The following NACC2 variants were observed in gnomAD, a reference collection of about 807,000 sequenced individuals.
NACC2 encodes the protein nucleus accumbens-associated protein 2.
NACC2 carries 8 observed loss-of-function variants against 25.1 expected under a neutral mutation model. The ratio of observed to expected loss-of-function variants is 0.32; its 90% CI spans 0.19 to 0.57. The LOEUF (loss-of-function observed/expected upper bound fraction) is 0.57. Among genes scored for constraint, NACC2 ranks in the 20% least tolerant of loss-of-function variants. The pLI is 0.89. For synonymous variants in NACC2, 435 were observed against 294.7 expected (o/e 1.48, Z -4.88); for missense variants, 644 against 650.2 (o/e 0.99, Z 0.10).
At chr9:136,031,051 A>C (rs1196463132) in intron 2 of NACC2, among the ~76,000 whole-genome samples, 1 of 152,228 alleles carries the variant, frequency 6.6e-6, no homozygotes, top group African/African-American at 2.4e-5. Flanking sequence ...TATGTGAACT[A>C]TTCCTGCAGC....
intron 1 of NACC2, among the ~76,000 whole-genome samples, chr9:136,051,876 A>AAAGAGGAGGAGGAGG (rs1840846709): frequency 7.6e-6 from 1 of 132,330 alleles, no homozygotes; most frequent in African/African-American, 3.3e-5. Context: ...GGGAGCCGGC[A>AAAGAGGAGGAGGAGG]AGGAGGAGGA....
chr9:136,071,933 C>T (rs963288570), intron 1 of NACC2, among the ~76,000 whole-genome samples: 5 of 152,116 alleles, frequency 3.3e-5, no homozygotes, highest in Non-Finnish European at 7.3e-5. Context: ...CCAAGCCTCA[C>T]ACCCCATTCA....
chr9:136,006,966 G>A lies in NACC2; in HGVS notation c.*4550C>T, dbSNP rs756856733. 3.9e-5 allele frequency: 6 copies of A among 153,562 alleles called. No homozygotes were observed. Among genetic ancestry groups the A allele is most frequent in the African/African-American group, 1.4e-4 (6 of 41,462 alleles). The allele number at this position is 153,562 out of a possible 1,614,324, so 9.5% of individuals were successfully genotyped here. A position where few individuals can be genotyped will look rare whatever the true frequency, so the allele number is the denominator to read the frequency against. The stretch of plus-strand genomic sequence containing the variant: ...CCTAAACAGACTCTTTAAAACAACC[G>A]TCTCCTTTTTAAAAGTCTCTTTTTT... On this transcript the variant is annotated 3_prime_UTR_variant, in exon 6 of 6. Coordinates refer to ENST00000277554, the MANE Select transcript of NACC2 (RefSeq NM_144653.5).
chr9:136,094,640 G>A (rs1321248897), intron 1 of NACC2, among the ~76,000 whole-genome samples: 1 of 152,158 alleles, frequency 6.6e-6, no homozygotes, highest in Non-Finnish European at 1.5e-5. Flanking sequence ...GGGGAGGCGC[G>A]GGAGGCGGTG....
intron 1 of NACC2, among the ~76,000 whole-genome samples, chr9:136,056,727 T>C (rs1199783397): frequency 6.6e-6 from 1 of 152,044 alleles, no homozygotes; most frequent in Non-Finnish European, 1.5e-5. Flanking sequence ...AGGAGAGCCA[T>C]GCAGGGCTGG....
intron 2 of NACC2, among the ~76,000 whole-genome samples, chr9:136,025,589 A>C (rs953297273): frequency 2.0e-5 from 3 of 152,018 alleles, no homozygotes; most frequent in African/African-American, 7.3e-5. Context: ...GAAAACTAGA[A>C]TCAACAAAAG....
rs780098827 is a variant in NACC2, at chr9:136,013,866, G to A, written c.1155C>T (p.Asp385=). The change falls in exon 4 of 6, where the codon GAC becomes GAT. Residue 385 remains aspartate, a splice_region_variant and synonymous_variant. Coordinates refer to ENST00000277554, the MANE Select transcript of NACC2 (RefSeq NM_144653.5). This position sits in a 1 kb window ranked among gnomAD's most constrained non-coding sequence, Gnocchi z 6.6. ...CCAGCACTCCTGCCCCGACCTACCT[G>A]TCAAAGAAGGTGGCCAGGAGCCTCC... The part of the protein sequence containing the change: ...LLRRLLATFF[D]RNTLANSCGT... 1.2e-6 allele frequency: 2 copies of A among 1,612,344 alleles called. No individual in the cohort carries two copies. Among genetic ancestry groups the A allele is most frequent in the South Asian group, 1.1e-5 (1 of 91,036 alleles).
Position 136,013,070 on chromosome 9 carries a change from C to A in NACC2, c.1255+129G>T. ...CTCCTCATCTTCCCCTCAATCAGAC[C>A]ATGCTCGGCCCCCAGGGACGGAAGC... On this transcript the variant is annotated intron_variant, in intron 5 of 5. Coordinates refer to ENST00000277554, the MANE Select transcript of NACC2 (RefSeq NM_144653.5). The surrounding 1 kb of genome is among the most constrained non-coding windows in gnomAD (Gnocchi z 6.6). The A allele has an allele frequency of 1.4e-6, 1 of 697,746 alleles. No homozygotes were observed. Among genetic ancestry groups the A allele is most frequent in the Non-Finnish European group, 2.4e-6 (1 of 412,956 alleles). The allele number at this position is 697,746 out of a possible 1,614,324, so 43.2% of individuals were successfully genotyped here.
At chr9:136,090,358 G>C (rs1374440602) in intron 1 of NACC2, among the ~76,000 whole-genome samples, 3 of 152,018 alleles carry the variant, frequency 2.0e-5, no homozygotes, top group Non-Finnish European at 4.4e-5. Context: ...AAGAACCAAG[G>C]AAGGCCCACA....
chr9:136,014,271 T>C (rs1840163314), intron 3 of NACC2, among the ~76,000 whole-genome samples: 1 of 151,202 alleles, frequency 6.6e-6, no homozygotes, highest in South Asian at 2.1e-4. Context: ...CCGGCCATGC[T>C]GCGGTCCCCG....
At chr9:136,038,781 C>T (rs1305447350) in intron 2 of NACC2, among the ~76,000 whole-genome samples, 1 of 152,078 alleles carries the variant, frequency 6.6e-6, no homozygotes, top group African/African-American at 2.4e-5. Context: ...AGGGGCATCG[C>T]ACAATTGAGG....
At chr9:136,053,692 G>A (rs7048852) in intron 1 of NACC2, among the ~76,000 whole-genome samples, 126,062 of 152,182 alleles carry the variant, frequency 0.83, 53,096 homozygotes, top group South Asian at 0.94. Context: ...GACCCACTGC[G>A]CCCACCACCA....
rs144615877 is a variant in NACC2 at position 136,064,015 on chromosome 9, G to A, written c.-59-13435C>T. Among the ~76,000 whole-genome samples, 910 of 152,166 alleles carry A rather than the reference G, an allele frequency of 6.0e-3. 15 individuals carry two copies. The highest frequency in any genetic ancestry group is 0.034 in the Admixed American group (514 of 15,276). On this transcript the variant is annotated intron_variant, in intron 1 of 5. Transcript: ENST00000277554. Reference sequence around the variant, plus strand: ...AATATAATGAAACTGTAGGCCAGGCGTGGTAACTCAGGCCTATAATCCCAG... The same window carrying A: ...AATATAATGAAACTGTAGGCCAGGCATGGTAACTCAGGCCTATAATCCCAG...
chr9:136,091,480 T>A (rs1830433266), intron 1 of NACC2, among the ~76,000 whole-genome samples: 1 of 151,950 alleles, frequency 6.6e-6, no homozygotes, highest in East Asian at 1.9e-4. Flanking sequence ...TGGGTCAGGG[T>A]CCCAAATGCC....
At chr9:136,062,511 C>G (rs899137892) in intron 1 of NACC2, among the ~76,000 whole-genome samples, 1 of 152,222 alleles carries the variant, frequency 6.6e-6, no homozygotes, top group Non-Finnish European at 1.5e-5. Flanking sequence ...GGCCCAGAGG[C>G]TCCTCTGGCC....
In NACC2 at chr9:136,011,521, A is replaced by G. The variant is rs777231402; in HGVS notation, c.1759T>C (p.Leu587=). Residue 587 remains leucine, a synonymous_variant, in exon 6 of 6, where the codon TTG becomes CTG. Transcript: ENST00000277554. ...RRPEGTYAGT[L] is the part of the protein sequence containing the mutation. ...GCGCAGCCACCCAGCTCCGCTTACA[A>G]GGTCCCTGCATAGGTGCCCTCCGGC... 8 of 1,383,440 alleles carry G rather than the reference A, an allele frequency of 5.8e-6. No individual in the cohort carries two copies. The highest frequency in any genetic ancestry group is 6.5e-6 in the Non-Finnish European group (7 of 1,071,950). 85.7% of individuals were successfully genotyped at this position (1,383,440 alleles called of 1,614,324 possible).
Position 136,056,399 on chromosome 9 carries a change from G to A in NACC2, c.-59-5819C>T, listed in dbSNP as rs537229715. Reference sequence around the variant, plus strand: ...GCGTGTGCCGTGTGCTCACCTCCCCGCTACTGGACATACAGATGAGGAAAC... The same window carrying A: ...GCGTGTGCCGTGTGCTCACCTCCCCACTACTGGACATACAGATGAGGAAAC... On this transcript the variant is annotated intron_variant, in intron 1 of 5. Coordinates refer to ENST00000277554, the MANE Select transcript of NACC2 (RefSeq NM_144653.5). Among the ~76,000 whole-genome samples the A allele has an allele frequency of 3.8e-3, 577 of 152,160 alleles. 4 individuals are homozygous for A. Among genetic ancestry groups the A allele is most frequent in the African/African-American group, 0.013 (532 of 41,518 alleles).
chr9:136,045,850 G>A (rs1200746976), intron 2 of NACC2, among the ~76,000 whole-genome samples: 3 of 152,158 alleles, frequency 2.0e-5, no homozygotes, highest in Non-Finnish European at 4.4e-5. Context: ...GTGCCAAGGA[G>A]ACCACGGGAA....
At chr9:136,074,247 C>G (rs1371318450) in intron 1 of NACC2, among the ~76,000 whole-genome samples, 4 of 148,686 alleles carry the variant, frequency 2.7e-5, no homozygotes, top group African/African-American at 9.9e-5. Flanking sequence ...TCAGGAGATC[C>G]AGACCATCCT....
Sources: gnomAD v4.1 joint callset for allele counts (sites outside exome capture counted in the v4.1 genomes callset) on GRCh38, gnomAD v4.1.1 for gene constraint, Gnocchi (gnomAD v3.1) non-coding constraint, MANE v1.5 for transcripts, NCBI Gene and HGNC (gene_info 2026-07-23, HGNC 2026-07-21) for gene names.